EPHB2: variants seen among roughly 807,000 people sequenced by gnomAD.
The protein encoded by EPHB2 is EPH receptor B2.
A neutral mutation model predicts 96.4 loss-of-function variants in EPHB2; 18 were observed. The observed-to-expected ratio is 0.19, with a 90% CI of 0.13 to 0.28. The LOEUF (loss-of-function observed/expected upper bound fraction) is 0.28. Ranked by LOEUF, EPHB2 falls within the 10% of genes least tolerant of loss-of-function variation. The pLI, the probability that EPHB2 is intolerant of heterozygous loss-of-function variation, is 1.00. For synonymous variants in EPHB2, 506 were observed against 534.1 expected, an observed-to-expected ratio of 0.95 and a Z score of 0.72; for missense variants, 989 against 1,355.4, an observed-to-expected ratio of 0.73 and a Z score of 4.25.
At chr1:22,739,279 G>C (rs1419099614) in intron 1 of EPHB2, among the ~76,000 whole-genome samples, 1 of 151,974 alleles carries the variant, frequency 6.6e-6, no homozygotes, top group Non-Finnish European at 1.5e-5. Context: ...GCAGTGGCAT[G>C]ATCTCGGCTC....
intron 3 of EPHB2, among the ~76,000 whole-genome samples, chr1:22,842,954 C>T (rs1042934961): frequency 6.6e-6 from 1 of 152,136 alleles, no homozygotes; most frequent in Non-Finnish European, 1.5e-5. Flanking sequence ...TCTAGCACAT[C>T]CCCCTGTATT....
chr1:22,910,464 G>C lies in EPHB2; in HGVS notation c.2585G>C (p.Cys862Ser). ...PSALHQLMLD[C>S]WQKDRNHRPK... Reference sequence around the variant, plus strand: ...GCCCTGCACCAACTCATGCTGGACTGTTGGCAGAAGGACCGCAACCACCGG... The same window carrying C: ...GCCCTGCACCAACTCATGCTGGACTCTTGGCAGAAGGACCGCAACCACCGG... Residue 862 changes from cysteine to serine, a missense_variant, in exon 14 of 16, where the codon TGT becomes TCT. Cys to Ser is a moderately radical substitution (Grantham distance 112, BLOSUM62 -1). Transcript: ENST00000374630. 1 of 1,614,192 alleles carries C rather than the reference G, an allele frequency of 6.2e-7. No homozygotes were observed. Among genetic ancestry groups the C allele is most frequent in the Non-Finnish European group, 8.5e-7 (1 of 1,180,016 alleles).
chr1:22,845,104 C>T (rs1316750023), intron 3 of EPHB2, among the ~76,000 whole-genome samples: 2 of 152,216 alleles, frequency 1.3e-5, no homozygotes, highest in Non-Finnish European at 1.5e-5. Context: ...GTCCCACCTC[C>T]TGAGTGGTGA....
chr1:22,905,782 T>C (rs2765852), intron 9 of EPHB2, among the ~76,000 whole-genome samples: 12,049 of 152,222 alleles, frequency 0.079, 1,592 homozygotes, highest in African/African-American at 0.27. Flanking sequence ...CCCCTGCTGG[T>C]CTCTGTTCCC....
At chr1:22,912,712 C>T in intron 15 of EPHB2, 113 bp downstream of exon 15, 1 of 1,536,336 alleles carries the variant, frequency 6.5e-7, no homozygotes, top group South Asian at 1.1e-5. Context: ...AATAGGGAAG[C>T]AGGGACCAAG....
intron 3 of EPHB2, among the ~76,000 whole-genome samples, chr1:22,787,857 C>T (rs1449223352): frequency 6.6e-6 from 1 of 152,184 alleles, no homozygotes; most frequent in Admixed American, 6.5e-5. Context: ...CAAGGTGTGG[C>T]CTGGGGCTGC....
At chr1:22,819,825 T>G (rs1645127996) in intron 3 of EPHB2, among the ~76,000 whole-genome samples, 1 of 151,964 alleles carries the variant, frequency 6.6e-6, no homozygotes, top group Admixed American at 6.6e-5. Flanking sequence ...GATTTTTTTT[T>G]TTTTTAATGG....
chr1:22,892,689 C>T (rs1457487001), intron 6 of EPHB2, 195 bp from the exon 7 acceptor site: 7 of 762,916 alleles, frequency 9.2e-6, no homozygotes, highest in Non-Finnish European at 1.6e-5. Context: ...ATATACTCTG[C>T]CTACCTTTGT....
chr1:22,717,831 C>T (rs1034603571), intron 1 of EPHB2, among the ~76,000 whole-genome samples: 1 of 152,188 alleles, frequency 6.6e-6, no homozygotes, highest in African/African-American at 2.4e-5. Context: ...CTGGGGGTTA[C>T]AGGAAATGTG....
intron 1 of EPHB2, among the ~76,000 whole-genome samples, chr1:22,759,088 GATA>G (rs1644198015): frequency 6.6e-6 from 1 of 152,162 alleles, no homozygotes. Flanking sequence ...GACAGAATCA[GATA>G]ATGATTTGCT....
intron 3 of EPHB2, among the ~76,000 whole-genome samples, chr1:22,842,253 G>A (rs992767626): frequency 3.3e-5 from 5 of 152,202 alleles, no homozygotes; most frequent in Middle Eastern, 3.4e-3. Context: ...CACTGATTGC[G>A]AGTCCTTGCA....
intron 1 of EPHB2, among the ~76,000 whole-genome samples, chr1:22,777,178 A>G (rs578194033): frequency 2.6e-5 from 4 of 152,220 alleles, no homozygotes; most frequent in Non-Finnish European, 5.9e-5. Context: ...TGTGTGAGGT[A>G]CAAGGGTGAG....
intron 3 of EPHB2, among the ~76,000 whole-genome samples, chr1:22,840,949 CAGGA>C (rs1211395964): frequency 1.3e-5 from 2 of 152,172 alleles, no homozygotes; most frequent in African/African-American, 2.4e-5. Context: ...GTCTCACAGC[CAGGA>C]AGTGGTCTGA....
chr1:22,758,020 G>A lies in EPHB2; in HGVS notation c.62-23401G>A, dbSNP rs1361276208. Among the ~76,000 whole-genome samples the A allele has an allele frequency of 2.8e-5, 4 of 142,288 alleles. No homozygotes were observed. In the South Asian group the frequency reaches 6.7e-4, roughly 24 times the overall value. 93.3% of individuals were successfully genotyped at this position (142,288 alleles called of 152,430 possible). On this transcript the variant is annotated intron_variant, in intron 1 of 15. Coordinates refer to ENST00000374630, the MANE Select transcript of EPHB2 (RefSeq NM_017449.5). ...TGCAAGCTCCGCCTCCCGGGTTCACGCCATTCTCCTGCCTCAGCCTCCCGA... is the reference window on the plus strand; with the variant it reads ...TGCAAGCTCCGCCTCCCGGGTTCACACCATTCTCCTGCCTCAGCCTCCCGA...
chr1:22,802,142 A>G (rs1211706762), intron 3 of EPHB2, among the ~76,000 whole-genome samples: 1 of 151,964 alleles, frequency 6.6e-6, no homozygotes, highest in Non-Finnish European at 1.5e-5. Flanking sequence ...TGTTGAATCC[A>G]GCTTGGGGAA....
chr1:22,808,127 G>A (rs1252168234), intron 3 of EPHB2, among the ~76,000 whole-genome samples: 2 of 145,136 alleles, frequency 1.4e-5, no homozygotes, highest in Non-Finnish European at 3.0e-5. Flanking sequence ...GAGCAAGACT[G>A]TCACAAAAAA....
chr1:22,882,706 G>A, intron 6 of EPHB2: 1 of 542,960 alleles, frequency 1.8e-6, no homozygotes, highest in Middle Eastern at 5.6e-4. Context: ...CACTTTTCTG[G>A]TCTGGAGGAT....
intron 14 of EPHB2, among the ~76,000 whole-genome samples, chr1:22,911,253 C>G (rs1640095451): frequency 6.6e-6 from 1 of 152,186 alleles, no homozygotes; most frequent in African/African-American, 2.4e-5. Flanking sequence ...TAGCTACCCT[C>G]ACGCTCAAAC....
intron 3 of EPHB2, among the ~76,000 whole-genome samples, chr1:22,822,339 A>AT (rs1165735953): frequency 6.6e-6 from 1 of 151,272 alleles, no homozygotes. Flanking sequence ...TAAAAAAAAA[A>AT]GGAAAGTGAT....
Sources: gnomAD v4.1 joint callset for allele counts (sites outside exome capture counted in the v4.1 genomes callset) on GRCh38, gnomAD v4.1.1 for gene constraint, MANE v1.5 for transcripts, NCBI Gene and HGNC (gene_info 2026-07-23, HGNC 2026-07-21) for gene names.